Variants in MGMT observed in about 807,000 individuals in gnomAD.
MGMT encodes O-6-methylguanine-DNA methyltransferase.
A neutral mutation model predicts 15.9 loss-of-function variants in MGMT; 14 were observed. The observed-to-expected ratio is 0.88, with a 90% CI of 0.58 to 1.37. MGMT has a LOEUF of 1.37. Ranked by LOEUF, MGMT falls within the 40% of genes most tolerant of loss-of-function variation. MGMT has a pLI of 0.00. For synonymous variants in MGMT, 130 were observed against 118.2 expected (o/e 1.10, Z -0.65); for missense variants, 282 against 268.1 (o/e 1.05, Z -0.36).
intron 2 of MGMT, among the ~76,000 whole-genome samples, chr10:129,637,611 C>G (rs1337458547): frequency 6.6e-6 from 1 of 152,160 alleles, no homozygotes; most frequent in African/African-American, 2.4e-5. Context: ...TGTTGGAGCC[C>G]TAGCCCTCAG....
At chr10:129,730,825 G>A (rs1317047267) in intron 3 of MGMT, among the ~76,000 whole-genome samples, 2 of 152,154 alleles carry the variant, frequency 1.3e-5, no homozygotes, top group Non-Finnish European at 2.9e-5. Flanking sequence ...GAATGGTAAA[G>A]GGTGTTAATG....
chr10:129,686,525 C>A (rs1454105839), intron 2 of MGMT, among the ~76,000 whole-genome samples: 2 of 152,008 alleles, frequency 1.3e-5, no homozygotes, highest in East Asian at 3.9e-4. Context: ...CAGGCGCCCA[C>A]CACCACATCC....
intron 2 of MGMT, among the ~76,000 whole-genome samples, chr10:129,561,235 A>T (rs1846274533): frequency 6.6e-6 from 1 of 152,032 alleles, no homozygotes. Context: ...TACAAGAGAG[A>T]GGTGGAGCCT....
chr10:129,604,547 T>C (rs548416123), intron 2 of MGMT, among the ~76,000 whole-genome samples: 6 of 152,268 alleles, frequency 3.9e-5, no homozygotes, highest in African/African-American at 1.2e-4. Flanking sequence ...ATGCAAGTTT[T>C]ATGGGGCTGT....
intron 2 of MGMT, among the ~76,000 whole-genome samples, chr10:129,647,418 A>G (rs1279621658): frequency 6.6e-6 from 1 of 152,196 alleles, no homozygotes. Flanking sequence ...AATTGGATGC[A>G]CTTGGCTGTG....
chr10:129,509,419 CTG>C (rs1378649499), intron 1 of MGMT, among the ~76,000 whole-genome samples: 2 of 152,162 alleles, frequency 1.3e-5, no homozygotes, highest in Non-Finnish European at 2.9e-5. Context: ...GGCTCCTTCT[CTG>C]TGTGTGTGCC....
At chr10:129,595,062 C>A (rs886439980) in intron 2 of MGMT, among the ~76,000 whole-genome samples, 2 of 152,224 alleles carry the variant, frequency 1.3e-5, no homozygotes, top group African/African-American at 4.8e-5. Context: ...ATCCTCAGAT[C>A]TTCGCCAGGG....
At chr10:129,561,951 T>C (rs1185543842) in intron 2 of MGMT, among the ~76,000 whole-genome samples, 1 of 152,180 alleles carries the variant, frequency 6.6e-6, no homozygotes, top group East Asian at 1.9e-4. Flanking sequence ...TTAGGAACAC[T>C]TGTAATGAGC....
At chr10:129,497,269 G>A (rs1845531303) in intron 1 of MGMT, among the ~76,000 whole-genome samples, 1 of 152,166 alleles carries the variant, frequency 6.6e-6, no homozygotes, top group Non-Finnish European at 1.5e-5. Context: ...GAGGCAAGGG[G>A]AGGGTTTTCA....
At chr10:129,475,389 G>A (rs1358692836) in intron 1 of MGMT, among the ~76,000 whole-genome samples, 3 of 152,204 alleles carry the variant, frequency 2.0e-5, no homozygotes, top group Non-Finnish European at 4.4e-5. Context: ...CCTCAGCACA[G>A]TGCATGAGAG....
chr10:129,670,077 C>T (rs1292521953), intron 2 of MGMT, among the ~76,000 whole-genome samples: 3 of 150,772 alleles, frequency 2.0e-5, no homozygotes, highest in Admixed American at 6.7e-5. Context: ...GCTTCAGTTT[C>T]TGACTAAATT....
In MGMT at chr10:129,569,765, C is replaced by G. The variant is rs1294541299; in HGVS notation, c.125+33388C>G. Among the ~76,000 whole-genome samples, 2 of 152,112 alleles carry G rather than the reference C, an allele frequency of 1.3e-5. 1 individual carries two copies. The highest frequency in any genetic ancestry group is 4.8e-5 in the African/African-American group (2 of 41,400). ...CCCGGGGAGTGCTGTCTCGGCAGTG[C>G]CACTTCAGACAAGTGAGTGTCCCTT... On this transcript the variant is annotated intron_variant, in intron 2 of 4. Coordinates refer to ENST00000651593, the MANE Select transcript of MGMT (RefSeq NM_002412.5).
chr10:129,543,306 G>A (rs531059886), intron 2 of MGMT, among the ~76,000 whole-genome samples: 1 of 152,278 alleles, frequency 6.6e-6, no homozygotes, highest in African/African-American at 2.4e-5. Flanking sequence ...GGCTCTGCAG[G>A]CTGAGCCTTC....
At chr10:129,766,678 G>T (rs1848939140) in intron 4 of MGMT, 110 bp from the exon 5 acceptor site, 1 of 974,498 alleles carries the variant, frequency 1.0e-6, no homozygotes, top group Non-Finnish European at 1.5e-6. Context: ...CCTGGCACAG[G>T]CCCCTGCTTG....
chr10:129,610,501 G>C (rs913562118), intron 2 of MGMT, among the ~76,000 whole-genome samples: 2 of 152,230 alleles, frequency 1.3e-5, no homozygotes, highest in Non-Finnish European at 2.9e-5. Context: ...GTTTTCTTCA[G>C]CTCTCCGTCC....
At chr10:129,653,941 C>T (rs1424731220) in intron 2 of MGMT, among the ~76,000 whole-genome samples, 2 of 152,116 alleles carry the variant, frequency 1.3e-5, no homozygotes, top group African/African-American at 4.8e-5. Flanking sequence ...GGTGGAGCCA[C>T]CTTTGGGGAT....
At chr10:129,470,685 C>G (rs575715458) in intron 1 of MGMT, among the ~76,000 whole-genome samples, 17 of 152,278 alleles carry the variant, frequency 1.1e-4, no homozygotes, top group African/African-American at 3.4e-4. Flanking sequence ...AGCTAAGTAA[C>G]TGAATAGGCC....
chr10:129,760,971 G>T (rs3793907), intron 4 of MGMT, among the ~76,000 whole-genome samples: 1 of 151,892 alleles, frequency 6.6e-6, no homozygotes, highest in Non-Finnish European at 1.5e-5. Context: ...TGATTTTTAC[G>T]GCGCGTTGGG....
rs1848978925 is a variant in MGMT at position 129,769,616 on chromosome 10, C to G, written c.*2619C>G. On this transcript the variant is annotated 3_prime_UTR_variant, in exon 5 of 5. Transcript: ENST00000651593. Reference sequence around the variant, plus strand: ...AGAGATGAGAGAGTCAGAAGTAATACTTGTTTTTGCAGAACCACACTTGTG... The same window carrying G: ...AGAGATGAGAGAGTCAGAAGTAATAGTTGTTTTTGCAGAACCACACTTGTG... 6.6e-6 allele frequency among the ~76,000 whole-genome samples: 1 copy of G among 151,950 alleles called. No homozygotes were observed. The highest frequency in any genetic ancestry group is 2.1e-4 in the South Asian group (1 of 4,828).
Sources: allele counts gnomAD v4.1 joint callset (sites outside exome capture counted in the v4.1 genomes callset), GRCh38; gene constraint gnomAD v4.1.1; transcripts MANE v1.5; gene names NCBI Gene and HGNC (gene_info 2026-07-23, HGNC 2026-07-21).